PCGF3: variants seen among roughly 807,000 people sequenced by gnomAD.
PCGF3 encodes the protein polycomb group ring finger 3, also known as polycomb group RING finger protein 3.
PCGF3 carries 7 observed loss-of-function variants against 33.1 expected under a neutral mutation model. That is an observed-to-expected ratio of 0.21 (90% CI 0.12 to 0.40). The LOEUF (loss-of-function observed/expected upper bound fraction) is 0.40. Ranked by LOEUF, PCGF3 falls within the 10% of genes least tolerant of loss-of-function variation. PCGF3 has a pLI of 1.00. For missense variants in PCGF3, 211 were observed against 313.3 expected (o/e 0.67, Z 2.46); for synonymous variants, 153 against 121.3 (o/e 1.26, Z -1.72).
intron 8 of PCGF3, among the ~76,000 whole-genome samples, chr4:755,547 CAT>C (rs1370808740): frequency 6.6e-6 from 1 of 152,196 alleles, no homozygotes; most frequent in Non-Finnish European, 1.5e-5. Flanking sequence ...TAAAATTTGA[CAT>C]AATTAAATGT....
chr4:763,399 C>CT (rs1560220569), intron 9 of PCGF3, among the ~76,000 whole-genome samples: 55 of 152,002 alleles, frequency 3.6e-4, no homozygotes, highest in African/African-American at 1.3e-3. Context: ...GCTGCTGCTG[C>CT]GTTAACCGTG....
At chr4:726,142 C>T (rs1214556914) in intron 1 of PCGF3, among the ~76,000 whole-genome samples, 2 of 152,246 alleles carry the variant, frequency 1.3e-5, no homozygotes, top group Non-Finnish European at 2.9e-5. Flanking sequence ...TGTGGCGCTG[C>T]GGCCGTGGCT....
chr4:763,472 G>A (rs1481811358), intron 9 of PCGF3, among the ~76,000 whole-genome samples: 1 of 152,218 alleles, frequency 6.6e-6, no homozygotes, highest in Non-Finnish European at 1.5e-5. Context: ...GCCTTCCCCA[G>A]GGAGGAATCT....
Position 764,020 on chromosome 4 carries a change from C to T in PCGF3, c.601-964C>T, listed in dbSNP as rs559145464. Among the ~76,000 whole-genome samples the T allele has an allele frequency of 2.4e-4, 36 of 152,272 alleles. No homozygotes were observed. In the South Asian group the frequency reaches 4.6e-3, roughly 19 times the overall value. ...GCGCACTGGAAAAGGCAGAACCATCCGGAGGCTGCAGGGGCTTGAGGAGGG... is the reference window on the plus strand; with the variant it reads ...GCGCACTGGAAAAGGCAGAACCATCTGGAGGCTGCAGGGGCTTGAGGAGGG... On this transcript the variant is annotated intron_variant, in intron 9 of 10. Transcript: ENST00000362003.
At chr4:726,605 G>C (rs1293592744) in intron 1 of PCGF3, among the ~76,000 whole-genome samples, 2 of 152,124 alleles carry the variant, frequency 1.3e-5, no homozygotes, top group East Asian at 3.8e-4. Context: ...CCTCATCCAC[G>C]ATCATGACGA....
chr4:734,315 T>C, intron 4 of PCGF3: 1 of 1,444,638 alleles, frequency 6.9e-7, no homozygotes, highest in Admixed American at 2.9e-5. Context: ...TGAGGCCCCA[T>C]GGCTGGCGGC....
At position 766,382 on chromosome 4, in the gene PCGF3, G is replaced by A. The variant is rs997272086; in HGVS notation, c.*303G>A. Reference sequence around the variant, plus strand: ...ACGGTTCTGAGTCACCTTCTGACACGAGCTCCCTCTGCTTGCTTTCCAGGT... The same window carrying A: ...ACGGTTCTGAGTCACCTTCTGACACAAGCTCCCTCTGCTTGCTTTCCAGGT... On this transcript the variant is annotated 3_prime_UTR_variant, in exon 11 of 11. Transcript: ENST00000362003. 3.8e-5 allele frequency: 11 copies of A among 288,336 alleles called. No individual in the cohort carries two copies. In the East Asian group the frequency reaches 6.1e-4, roughly 16 times the overall value. The allele number at this position is 288,336 out of a possible 1,614,324, so 17.9% of individuals were successfully genotyped here.
At chr4:725,355 T>A (rs1743280420) in intron 1 of PCGF3, 1 of 153,574 alleles carries the variant, frequency 6.5e-6, no homozygotes, top group Middle Eastern at 3.1e-3. Flanking sequence ...AATGATAAAT[T>A]AAGACCTAAT....
At chr4:748,268 C>T (rs1006068775) in intron 8 of PCGF3, among the ~76,000 whole-genome samples, 15 of 151,954 alleles carry the variant, frequency 9.9e-5, no homozygotes, top group Non-Finnish European at 2.1e-4. Flanking sequence ...GGCACCATCC[C>T]GGCTCACTGC....
intron 8 of PCGF3, among the ~76,000 whole-genome samples, chr4:755,968 C>G (rs987529633): frequency 2.0e-4 from 24 of 119,272 alleles, no homozygotes; most frequent in Non-Finnish European, 3.7e-4. Context: ...GGCTGGAGTG[C>G]AAGGCCTGAT....
intron 6 of PCGF3, 105 bp from the exon 7 acceptor site, chr4:743,369 C>T (rs1181511542): frequency 8.7e-6 from 6 of 690,492 alleles, no homozygotes; most frequent in Non-Finnish European, 1.3e-5. Context: ...AGCCTTCAAA[C>T]TTCATAATGC....
intron 1 of PCGF3, chr4:725,212 T>C (rs1161519076): frequency 6.6e-6 from 1 of 152,446 alleles, no homozygotes; most frequent in African/African-American, 2.4e-5. Context: ...TGTCTCTCCT[T>C]GTCAGAGGCC....
At chr4:761,899 C>T (rs1433604947) in intron 9 of PCGF3, 1 of 985,426 alleles carries the variant, frequency 1.0e-6, no homozygotes, top group Non-Finnish European at 1.2e-6. Flanking sequence ...CAGGCGCCAG[C>T]AGGGTCCAGC....
intron 5 of PCGF3, among the ~76,000 whole-genome samples, chr4:735,506 G>A (rs1258885259): frequency 1.3e-5 from 2 of 151,978 alleles, no homozygotes; most frequent in African/African-American, 2.4e-5. Flanking sequence ...AGATTGCGCC[G>A]TTGCACTCCA....
At chr4:715,795 C>G (rs777901048) in intron 1 of PCGF3, among the ~76,000 whole-genome samples, 1 of 54,708 alleles carries the variant, frequency 1.8e-5, no homozygotes. Flanking sequence ...GTGCTGGGAC[C>G]CTGTAGACAC....
At chr4:715,427 G>C (rs1742777974) in intron 1 of PCGF3, among the ~76,000 whole-genome samples, 1 of 147,884 alleles carries the variant, frequency 6.8e-6, no homozygotes, top group Non-Finnish European at 1.5e-5. Context: ...TGAGCACTGG[G>C]CGTCGGTGCT....
chr4:722,897 C>T (rs1319198904), intron 1 of PCGF3, among the ~76,000 whole-genome samples: 7 of 121,162 alleles, frequency 5.8e-5, no homozygotes, highest in African/African-American at 1.9e-4. Context: ...TCGCCATCCA[C>T]GCCGGGTCCA....
intron 5 of PCGF3, among the ~76,000 whole-genome samples, chr4:737,180 C>T (rs538183814): frequency 2.0e-5 from 3 of 152,138 alleles, no homozygotes; most frequent in East Asian, 3.9e-4. Flanking sequence ...GCGCACGGGA[C>T]GTGGGGAATC....
intron 1 of PCGF3, among the ~76,000 whole-genome samples, chr4:706,298 A>AC (rs1742297702): frequency 1.4e-5 from 2 of 139,092 alleles, no homozygotes; most frequent in African/African-American, 5.1e-5. Context: ...CGGGAGGTCG[A>AC]AGACCCCAGC....
Sources: allele counts gnomAD v4.1 joint callset (sites outside exome capture counted in the v4.1 genomes callset), GRCh38; gene constraint gnomAD v4.1.1; transcripts MANE v1.5; gene names NCBI Gene and HGNC (gene_info 2026-07-23, HGNC 2026-07-21).